RAD51B: variants seen among roughly 807,000 people sequenced by gnomAD.
RAD51B encodes RAD51 paralog B.
Under a neutral mutation model 42.2 loss-of-function variants are expected in RAD51B, and 38 were observed. The ratio of observed to expected loss-of-function variants is 0.90; its 90% CI spans 0.70 to 1.18. RAD51B has a LOEUF of 1.18. Ranked by LOEUF, RAD51B falls within the 50% of genes most tolerant of loss-of-function variation. The pLI is 0.00. For missense variants in RAD51B, 373 were observed against 400.7 expected, an observed-to-expected ratio of 0.93 and a Z score of 0.59; for synonymous variants, 154 against 145.2, an observed-to-expected ratio of 1.06 and a Z score of -0.43.
At chr14:68,354,099 T>G (rs544859131) in intron 8 of RAD51B, among the ~76,000 whole-genome samples, 1 of 152,300 alleles carries the variant, frequency 6.6e-6, no homozygotes, top group South Asian at 2.1e-4. Flanking sequence ...GTAAAGAACA[T>G]TAGAAAAAGG....
At chr14:68,465,166 C>A (rs1020484278) in intron 9 of RAD51B, among the ~76,000 whole-genome samples, 2 of 152,014 alleles carry the variant, frequency 1.3e-5, no homozygotes, top group Non-Finnish European at 2.9e-5. Flanking sequence ...CTATTTACAC[C>A]CTTTTGGTTT....
intron 10 of RAD51B, chr14:68,541,679 T>A (rs1358724112): frequency 1.1e-5 from 11 of 985,364 alleles, no homozygotes; most frequent in Non-Finnish European, 1.3e-5. Context: ...TGTTTGGGCC[T>A]GAAGAAGCCA....
In RAD51B at chr14:68,328,985, A is replaced by G. The variant is rs2082297006; in HGVS notation, c.853+37005A>G. On this transcript the variant is annotated intron_variant, in intron 8 of 10. Transcript: ENST00000471583. Reference sequence around the variant, plus strand: ...TCCCCAGCCCTACCAGTTATTTTGTATATTATGTCACTTTTTATTTTTATT... The same window carrying G: ...TCCCCAGCCCTACCAGTTATTTTGTGTATTATGTCACTTTTTATTTTTATT... Among the ~76,000 whole-genome samples, 3 of 152,120 alleles carry G rather than the reference A, an allele frequency of 2.0e-5. 1 individual carries two copies. Among genetic ancestry groups the G allele is most frequent in the East Asian group, 3.8e-4 (2 of 5,204 alleles).
At chr14:68,422,186 G>C in intron 9 of RAD51B, 1 of 1,163,080 alleles carries the variant, frequency 8.6e-7, no homozygotes, top group Non-Finnish European at 1.3e-6. Context: ...GAACATGGTG[G>C]GGTTGACCAT....
At chr14:68,672,583 A>C (rs1893180671) in intron 11 of RAD51B, among the ~76,000 whole-genome samples, 1 of 152,168 alleles carries the variant, frequency 6.6e-6, no homozygotes, top group Non-Finnish European at 1.5e-5. Context: ...CCTGAGGCAA[A>C]TCTATAAACA....
chr14:67,893,530 G>A, intron 7 of RAD51B, among the ~76,000 whole-genome samples: 1 of 147,024 alleles, frequency 6.8e-6, no homozygotes, highest in Non-Finnish European at 1.5e-5. Context: ...AATTAGCTGG[G>A]TGTGGTGCTA....
At chr14:68,667,257 G>A (rs1441932493) in intron 11 of RAD51B, among the ~76,000 whole-genome samples, 3 of 152,192 alleles carry the variant, frequency 2.0e-5, no homozygotes, top group African/African-American at 7.2e-5. Context: ...TCCAAAGGCT[G>A]GAAACTCAGA....
intron 8 of RAD51B, among the ~76,000 whole-genome samples, chr14:68,327,305 G>T (rs1375261513): frequency 1.3e-5 from 2 of 151,532 alleles, no homozygotes; most frequent in Non-Finnish European, 2.9e-5. Flanking sequence ...GTGGAGAGGG[G>T]TGAGGGATTG....
chr14:68,436,320 A>G lies in RAD51B; in HGVS notation c.957+24793A>G, dbSNP rs189540770. On this transcript the variant is annotated intron_variant, in intron 9 of 10. Coordinates refer to ENST00000471583, the MANE Select transcript of RAD51B (RefSeq NM_133510.4). ...ATTTTTCTCAACTTTGCTGAAGATC[A>G]GATGACTGTAGGTGTGCAGCTTTAT... is the stretch of plus-strand genomic sequence containing the variant. Among the ~76,000 whole-genome samples the G allele has an allele frequency of 3.0e-3, 458 of 152,336 alleles. 2 individuals carry two copies. Among genetic ancestry groups the G allele is most frequent in the African/African-American group, 0.01 (434 of 41,566 alleles).
At chr14:67,879,709 CTT>C (rs1022833632) in intron 5 of RAD51B, among the ~76,000 whole-genome samples, 10 of 152,142 alleles carry the variant, frequency 6.6e-5, no homozygotes, top group African/African-American at 2.4e-4. Flanking sequence ...TAGTGTCTGA[CTT>C]AATAGAAGAC....
intron 7 of RAD51B, among the ~76,000 whole-genome samples, chr14:68,128,270 C>T (rs554094940): frequency 7.2e-5 from 11 of 152,288 alleles, no homozygotes; most frequent in South Asian, 4.1e-4. Flanking sequence ...CTTAGATTCT[C>T]ACCCAGAGAA....
intron 10 of RAD51B, among the ~76,000 whole-genome samples, chr14:68,638,343 G>A (rs145999518): frequency 7.4e-4 from 113 of 152,300 alleles, no homozygotes; most frequent in Non-Finnish European, 1.2e-3. Context: ...TGATGTCCCT[G>A]CTAGCCTAAA....
chr14:68,165,690 T>C (rs2078734327), intron 7 of RAD51B, among the ~76,000 whole-genome samples: 1 of 152,198 alleles, frequency 6.6e-6, no homozygotes, highest in Non-Finnish European at 1.5e-5. Context: ...ACTGGTAACC[T>C]GGTGGTGCAG....
intron 7 of RAD51B, among the ~76,000 whole-genome samples, chr14:68,137,194 T>G (rs889252515): frequency 6.6e-6 from 1 of 152,150 alleles, no homozygotes; most frequent in Non-Finnish European, 1.5e-5. Flanking sequence ...GAGAATCACA[T>G]GAACCCGGGA....
chr14:68,168,193 T>G (rs2078793171), intron 7 of RAD51B, among the ~76,000 whole-genome samples: 1 of 152,156 alleles, frequency 6.6e-6, no homozygotes, highest in African/African-American at 2.4e-5. Context: ...TCTTTATATA[T>G]GGAATTGTAT....
downstream of RAD51B, among the ~76,000 whole-genome samples, chr14:68,613,066 G>A (rs1375002447): frequency 6.6e-6 from 1 of 152,100 alleles, no homozygotes; most frequent in Non-Finnish European, 1.5e-5. Context: ...TTAACATCTG[G>A]GCCTGCCCCA....
chr14:68,163,448 C>T (rs1415304564), intron 7 of RAD51B, among the ~76,000 whole-genome samples: 3 of 152,176 alleles, frequency 2.0e-5, no homozygotes, highest in Non-Finnish European at 4.4e-5. Context: ...TGACTTTCTT[C>T]CCATCTCTCC....
At chr14:68,467,657 T>C (rs2140231783) in intron 9 of RAD51B, among the ~76,000 whole-genome samples, 1 of 152,400 alleles carries the variant, frequency 6.6e-6, no homozygotes, top group South Asian at 2.1e-4. Flanking sequence ...GGAAATGCTC[T>C]ACACCTTAAG....
At chr14:67,965,537 A>G (rs1009754020) in intron 7 of RAD51B, among the ~76,000 whole-genome samples, 2 of 152,106 alleles carry the variant, frequency 1.3e-5, no homozygotes, top group Non-Finnish European at 2.9e-5. Flanking sequence ...CCATTAACAC[A>G]TAAGGGATAA....
Sources: allele counts gnomAD v4.1 joint callset (sites outside exome capture counted in the v4.1 genomes callset), GRCh38; gene constraint gnomAD v4.1.1; transcripts MANE v1.5; gene names NCBI Gene and HGNC (gene_info 2026-07-23, HGNC 2026-07-21).